The following CCDC8 variants were observed in gnomAD, a reference collection of about 807,000 sequenced individuals.
CCDC8 encodes coiled-coil domain containing 8 subunit of 3M complex.
CCDC8 carries 6 observed loss-of-function variants against 5.2 expected under a neutral mutation model. The observed-to-expected ratio is 1.16, with a 90% CI of 0.63 to 2.28. The LOEUF (loss-of-function observed/expected upper bound fraction) is 2.28. Ranked by LOEUF, CCDC8 falls within the 30% of genes most tolerant of loss-of-function variation. The probability of loss-of-function intolerance (pLI) is 0.00; values close to 1 mark genes in which losing one functional copy is unlikely to be tolerated. For synonymous variants in CCDC8, 310 were observed against 286.5 expected (o/e 1.08, Z -0.83); for missense variants, 724 against 712.2 (o/e 1.02, Z -0.19).
chr19:46,411,780 C>A lies in CCDC8; in HGVS notation c.1031G>T (p.Arg344Met). Residue 344 changes from arginine (R) to methionine (M), a missense_variant, in exon 1 of 1, where the codon AGG (arginine) becomes ATG (methionine). By Grantham distance (91) the Arg-to-Met change is moderately conservative. Transcript: ENST00000307522. ...NQREEAADNQ[R>M]AGAPAEEGAE... ...CCCCTCCTCAGCTGGGGCCCCTGCC[C>A]TCTGATTATCTGCAGCCTCTTCCCT... The A allele has an allele frequency of 1.9e-6, 3 of 1,612,948 alleles. No individual in the cohort carries two copies. The highest frequency in any genetic ancestry group is 1.1e-5 in the South Asian group (1 of 91,046).
Position 46,412,281 on chromosome 19 carries a change from A to C in CCDC8, c.530T>G (p.Val177Gly). 6.2e-7 allele frequency: 1 copy of C among 1,606,670 alleles called. No individual in the cohort carries two copies. Among genetic ancestry groups the C allele is most frequent in the Non-Finnish European group, 8.5e-7 (1 of 1,179,896 alleles). ...CCCCAGGTTGTCCTCAAACATGGGC[A>C]CTGGCAGGTTGACGCGGCGGCGGGC... is the stretch of plus-strand genomic sequence containing the variant. ...PPARRRVNLP[V>G]PMFEDNLGPQ... Residue 177 changes from valine to glycine, a missense_variant, in exon 1 of 1, where the codon GTG (valine) becomes GGG (glycine). Val to Gly is a moderately radical substitution (Grantham distance 109, BLOSUM62 -3). Transcript: ENST00000307522. The surrounding 1 kb of genome is among the most constrained non-coding windows in gnomAD (Gnocchi z 4.7).
chr19:46,413,009 T>A lies in CCDC8; in HGVS notation c.-199A>T. The A allele has an allele frequency of 1.5e-6, 1 of 676,542 alleles. No homozygotes were observed. Among genetic ancestry groups the A allele is most frequent in the Non-Finnish European group, 2.6e-6 (1 of 379,528 alleles). 41.9% of individuals were successfully genotyped at this position (676,542 alleles called of 1,614,324 possible). A position where few individuals can be genotyped will look rare whatever the true frequency, so the allele number is the denominator to read the frequency against. On this transcript the variant is annotated 5_prime_UTR_variant, in exon 1 of 1. Transcript: ENST00000307522. ...CCACGTGGCTTTTCTCGAGAGTCTTTAAGATCTCCAGGGTGATATCTGGGG... is the reference window on the plus strand; with the variant it reads ...CCACGTGGCTTTTCTCGAGAGTCTTAAAGATCTCCAGGGTGATATCTGGGG...
rs557334540 is a variant in CCDC8, at chr19:46,411,513, C to T, written c.1298G>A (p.Arg433Gln). ...QGADNQRAQA[R>Q]AGQRAEAAHN... is the part of the protein sequence containing the mutation. ...TGCAGCCTCTGCCCTCTGGCCAGCC[C>T]GGGCCTGTGCCCTCTGATTATCTGC... The change falls in exon 1 of 1, where the codon CGG becomes CAG. Residue 433 changes from arginine (R) to glutamine (Q), a missense_variant. By Grantham distance (43) the Arg-to-Gln change is conservative. Transcript: ENST00000307522. 2.4e-5 allele frequency: 39 copies of T among 1,608,914 alleles called. No homozygotes were observed. Among genetic ancestry groups the T allele is most frequent in the East Asian group, 1.1e-4 (5 of 44,510 alleles).
Position 46,411,381 on chromosome 19 carries a change from G to T in CCDC8, c.1430C>A (p.Thr477Lys). 6.2e-7 allele frequency: 1 copy of T among 1,614,224 alleles called. No homozygotes were observed. The highest frequency in any genetic ancestry group is 8.5e-7 in the Non-Finnish European group (1 of 1,180,034). The change falls in exon 1 of 1, where the codon ACA becomes AAA. Residue 477 changes from threonine to lysine, a missense_variant. By Grantham distance (78) the Thr-to-Lys change is moderately conservative. Coordinates refer to ENST00000307522, the MANE Select transcript of CCDC8 (RefSeq NM_032040.5). ...GCGTCCAGGGGTCTGGAACCTCACT[G>T]TCTTGACCTGTTTCCGGGCCCTGGC... is the stretch of plus-strand genomic sequence containing the variant. ...PGARARKQVK[T>K]VRFQTPGRFS...
Position 46,412,316 on chromosome 19 carries a change from G to C in CCDC8, c.495C>G (p.Ser165Arg). The change falls in exon 1 of 1, where the codon AGC (serine) becomes AGG (arginine). Residue 165 changes from serine to arginine, a missense_variant. Physicochemically the swap from Ser to Arg is moderately radical, Grantham distance 110. Transcript: ENST00000307522. The surrounding 1 kb of genome is among the most constrained non-coding windows in gnomAD (Gnocchi z 4.7). ...AFLRRQEKQP[S>R]APPARRRVNL... Reference sequence around the variant, plus strand: ...TGACGCGGCGGCGGGCAGGCGGCGCGCTGGGCTGCTTCTCCTGTCGCCGGA... The same window carrying C: ...TGACGCGGCGGCGGGCAGGCGGCGCCCTGGGCTGCTTCTCCTGTCGCCGGA... The C allele has an allele frequency of 1.2e-6, 2 of 1,610,976 alleles. No homozygotes were observed. The highest frequency in any genetic ancestry group is 1.7e-6 in the Non-Finnish European group (2 of 1,179,944).
rs771557962 is a variant in CCDC8 at position 46,412,105 on chromosome 19, C to A, written c.706G>T (p.Val236Leu). Reference protein sequence around the residue: ...LASTAVESAGVSSAPEGTSPG... With the variant: ...LASTAVESAGLSSAPEGTSPG... ...CTGGTGCCCTCTGGCGCCGATGATA[C>A]CCCTGCGCTCTCCACTGCGGTGGAG... Residue 236 changes from valine to leucine, a missense_variant, in exon 1 of 1, where the codon GTA becomes TTA. By Grantham distance (32) the Val-to-Leu change is conservative (BLOSUM62 1). Transcript: ENST00000307522. This position sits in a 1 kb window ranked among gnomAD's most constrained non-coding sequence, Gnocchi z 4.7. The A allele has an allele frequency of 1.8e-5, 29 of 1,599,248 alleles. No homozygotes were observed. Among genetic ancestry groups the A allele is most frequent in the African/African-American group, 2.7e-5 (2 of 74,942 alleles).
rs765660373 is a variant in CCDC8 at position 46,412,124 on chromosome 19, G to A, written c.687C>T (p.Thr229=). The change falls in exon 1 of 1, where the codon ACC becomes ACT. Residue 229 remains threonine, a synonymous_variant. Coordinates refer to ENST00000307522, the MANE Select transcript of CCDC8 (RefSeq NM_032040.5). This position sits in a 1 kb window ranked among gnomAD's most constrained non-coding sequence, Gnocchi z 4.7. The part of the protein sequence containing the change: ...PGVGEARLAS[T]AVESAGVSSA... The stretch of plus-strand genomic sequence containing the variant: ...ATGATACCCCTGCGCTCTCCACTGC[G>A]GTGGAGGCCAGCCGGGCCTCGCCCA... 16 of 1,598,718 alleles carry A rather than the reference G, an allele frequency of 1.0e-5. No individual in the cohort carries two copies. Among genetic ancestry groups the A allele is most frequent in the Non-Finnish European group, 1.4e-5 (16 of 1,179,828 alleles).
chr19:46,411,089 T>C lies in CCDC8; in HGVS notation c.*105A>G, dbSNP rs536917966. 1.3e-4 allele frequency: 179 copies of C among 1,339,506 alleles called. 1 individual carries two copies. In the South Asian group the frequency reaches 2.1e-3, roughly 15 times the overall value. The allele number at this position is 1,339,506 out of a possible 1,614,324, so 83.0% of individuals were successfully genotyped here. A position where few individuals can be genotyped will look rare whatever the true frequency, so the allele number is the denominator to read the frequency against. On this transcript the variant is annotated 3_prime_UTR_variant, in exon 1 of 1. Coordinates refer to ENST00000307522, the MANE Select transcript of CCDC8 (RefSeq NM_032040.5). ...CAAGAGAATAAAGAGGGTTGTTAGG[T>C]GGAGACGTGGCCAGCACTCCACCTC...
In CCDC8 at chr19:46,411,181, T is replaced by C. The variant is rs750749389; in HGVS notation, c.*13A>G. The C allele has an allele frequency of 2.5e-6, 4 of 1,613,878 alleles. No homozygotes were observed. The South Asian group carries it at 4.4e-5, about 18-fold the overall frequency. ...TTGGAGGGAGGGCCCGTGGGCTGTC[T>C]CTAGCCCTCACCTCACAGCTGGTCT... On this transcript the variant is annotated 3_prime_UTR_variant, in exon 1 of 1. Transcript: ENST00000307522.
Position 46,412,097 on chromosome 19 carries a change from C to G in CCDC8, c.714G>C (p.Ser238=), listed in dbSNP as rs1452147283. The part of the protein sequence containing the change: ...STAVESAGVS[S]APEGTSPGDR... ...CCCCCGGGCTGGTGCCCTCTGGCGC[C>G]GATGATACCCCTGCGCTCTCCACTG... The change falls in exon 1 of 1, where the codon TCG becomes TCC. Residue 238 remains serine (S), a synonymous_variant. Transcript: ENST00000307522. The surrounding 1 kb of genome is among the most constrained non-coding windows in gnomAD (Gnocchi z 4.7). 1.3e-6 allele frequency: 2 copies of G among 1,599,514 alleles called. No individual in the cohort carries two copies. Among genetic ancestry groups the G allele is most frequent in the Non-Finnish European group, 1.7e-6 (2 of 1,179,954 alleles).
chr19:46,411,712 G>A lies in CCDC8; in HGVS notation c.1099C>T (p.Gln367Ter). Reference protein sequence around the residue: ...DNQREEAADNQRAEAPADQRS... With the variant: ...DNQREEAADN ...TGGTCAGCTGGGGCCTCTGCCCTCT[G>A]ATTATCTGCAGCCTCTTCCCTCTGG... The change falls in exon 1 of 1, where the codon CAG (glutamine) becomes TAG (stop). Residue 367 changes from glutamine to a stop codon, truncating the protein, a stop_gained. Coordinates refer to ENST00000307522, the MANE Select transcript of CCDC8 (RefSeq NM_032040.5). LOFTEE classifies it low-confidence loss of function (END_TRUNC). The A allele has an allele frequency of 5.0e-6, 8 of 1,613,136 alleles. No homozygotes were observed. Among genetic ancestry groups the A allele is most frequent in the Non-Finnish European group, 6.8e-6 (8 of 1,179,654 alleles).
In CCDC8 at chr19:46,412,612, G is replaced by T; in HGVS notation, c.199C>A (p.Pro67Thr). The T allele has an allele frequency of 6.2e-7, 1 of 1,601,550 alleles. No homozygotes were observed. ...TCCTTGGGCTTTTTGGGGGGCTGGGGCGGGTGCGGGGTGCTCTTCTCCATG... is the reference window on the plus strand; with the variant it reads ...TCCTTGGGCTTTTTGGGGGGCTGGGTCGGGTGCGGGGTGCTCTTCTCCATG... The part of the protein sequence containing the change: ...RIMEKSTPHP[P>T]QPPKKPKEPR... Residue 67 changes from proline to threonine, a missense_variant, in exon 1 of 1, where the codon CCC (proline) becomes ACC (threonine). Physicochemically the swap from Pro to Thr is conservative, Grantham distance 38 (BLOSUM62 -1). Coordinates refer to ENST00000307522, the MANE Select transcript of CCDC8 (RefSeq NM_032040.5). This position sits in a 1 kb window ranked among gnomAD's most constrained non-coding sequence, Gnocchi z 4.7.
rs1458313997 is a variant in CCDC8, at chr19:46,412,615, G to A, written c.196C>T (p.Pro66Ser). ...TTGGGCTTTTTGGGGGGCTGGGGCG[G>A]GTGCGGGGTGCTCTTCTCCATGATG... Reference protein sequence around the residue: ...ARIMEKSTPHPPQPPKKPKEP... With the variant: ...ARIMEKSTPHSPQPPKKPKEP... Residue 66 changes from proline (P) to serine (S), a missense_variant, in exon 1 of 1, where the codon CCG (proline) becomes TCG (serine). Coordinates refer to ENST00000307522, the MANE Select transcript of CCDC8 (RefSeq NM_032040.5). The surrounding 1 kb of genome is among the most constrained non-coding windows in gnomAD (Gnocchi z 4.7). 4.4e-6 allele frequency: 7 copies of A among 1,601,272 alleles called. No individual in the cohort carries two copies. Among genetic ancestry groups the A allele is most frequent in the Non-Finnish European group, 6.0e-6 (7 of 1,174,954 alleles).
rs1452147283 is a variant in CCDC8, at chr19:46,412,097, C to T, written c.714G>A (p.Ser238=). The change falls in exon 1 of 1, where the codon TCG becomes TCA. Residue 238 remains serine, a synonymous_variant. Coordinates refer to ENST00000307522, the MANE Select transcript of CCDC8 (RefSeq NM_032040.5). The surrounding 1 kb of genome is among the most constrained non-coding windows in gnomAD (Gnocchi z 4.7). ...STAVESAGVS[S]APEGTSPGDR... The stretch of plus-strand genomic sequence containing the variant: ...CCCCCGGGCTGGTGCCCTCTGGCGC[C>T]GATGATACCCCTGCGCTCTCCACTG... 1.9e-6 allele frequency: 3 copies of T among 1,599,514 alleles called. No homozygotes were observed. The South Asian group carries it at 3.3e-5, about 18-fold the overall frequency.
At position 46,412,523 on chromosome 19, in the gene CCDC8, C is replaced by G; in HGVS notation, c.288G>C (p.Thr96=). 1 of 1,608,104 alleles carries G rather than the reference C, an allele frequency of 6.2e-7. No individual in the cohort carries two copies. Among genetic ancestry groups the G allele is most frequent in the Non-Finnish European group, 8.5e-7 (1 of 1,179,896 alleles). ...TGTCGCTGGCGTTGCTGCTGTCGTA[C>G]GTGCCCACGACCAGCCGGGGCGGAG... ...VTPPPRLVVG[T]YDSSNASDSE... The change falls in exon 1 of 1, where the codon ACG becomes ACC. Residue 96 remains threonine, a synonymous_variant. Transcript: ENST00000307522. This position sits in a 1 kb window ranked among gnomAD's most constrained non-coding sequence, Gnocchi z 4.7.
chr19:46,412,810 TC>T lies in CCDC8; in HGVS notation c.-1del. On this transcript the variant is annotated 5_prime_UTR_variant, in exon 1 of 1. Coordinates refer to ENST00000307522, the MANE Select transcript of CCDC8 (RefSeq NM_032040.5). The surrounding 1 kb of genome is among the most constrained non-coding windows in gnomAD (Gnocchi z 4.7). ...TCGACGTCCTCCCCGATCTGCAGCA[TC>T]CCCACCGTGGAGTCCTCCTCCTTGC... is the stretch of plus-strand genomic sequence containing the variant. 6.2e-7 allele frequency: 1 copy of T among 1,614,016 alleles called. No individual in the cohort carries two copies. The highest frequency in any genetic ancestry group is 8.5e-7 in the Non-Finnish European group (1 of 1,180,024).
Position 46,412,782 on chromosome 19 carries a change from T to C in CCDC8, c.29A>G (p.Tyr10Cys). 2 of 1,613,954 alleles carry C rather than the reference T, an allele frequency of 1.2e-6. No individual in the cohort carries two copies. Among genetic ancestry groups the C allele is most frequent in the Non-Finnish European group, 1.7e-6 (2 of 1,179,996 alleles). ...CCTGACCTCCCGGGGGATGAGCAAA[T>C]AGTCGACGTCCTCCCCGATCTGCAG... MLQIGEDVD[Y>C]LLIPREVRLA... Residue 10 changes from tyrosine to cysteine, a missense_variant, in exon 1 of 1, where the codon TAT becomes TGT. Physicochemically the swap from Tyr to Cys is radical, Grantham distance 194. Coordinates refer to ENST00000307522, the MANE Select transcript of CCDC8 (RefSeq NM_032040.5). The surrounding 1 kb of genome is among the most constrained non-coding windows in gnomAD (Gnocchi z 4.7).
In CCDC8 at chr19:46,411,892, C is replaced by T. The variant is rs1973234457; in HGVS notation, c.919G>A (p.Ala307Thr). 1.2e-6 allele frequency: 2 copies of T among 1,613,748 alleles called. No homozygotes were observed. Among genetic ancestry groups the T allele is most frequent in the Middle Eastern group, 1.6e-4 (1 of 6,062 alleles). ...GCCCCTTCCCGCTGGTCAGCTATGG[C>T]CTCTTCCCTTTGACTATCTGCAGCC... ...GEAADSQREE[A>T]IADQREGAAG... The change falls in exon 1 of 1, where the codon GCC (alanine) becomes ACC (threonine). Residue 307 changes from alanine to threonine, a missense_variant. Ala to Thr is a moderately conservative substitution (Grantham distance 58, BLOSUM62 0). Transcript: ENST00000307522.
chr19:46,412,463 CTT>C lies in CCDC8; in HGVS notation c.346_347del (p.Lys116GlufsTer31), dbSNP rs1973246029. ...TGCCCCGCCGCGGGCCCTGGCGGCT[CTT>C]GTCTCTGGAGGTCTCGAAGTCGCTG... is the stretch of plus-strand genomic sequence containing the variant. The part of the protein sequence containing the change: ...EFSDFETSRD[K>X]SRQGPRRGKK... On this transcript the variant is annotated frameshift_variant, in exon 1 of 1. Coordinates refer to ENST00000307522, the MANE Select transcript of CCDC8 (RefSeq NM_032040.5). LOFTEE classifies it low-confidence loss of function (END_TRUNC). The surrounding 1 kb of genome is among the most constrained non-coding windows in gnomAD (Gnocchi z 4.7). The C allele has an allele frequency of 6.2e-7, 1 of 1,610,690 alleles. No homozygotes were observed. The highest frequency in any genetic ancestry group is 1.7e-5 in the Admixed American group (1 of 59,992).
Sources: gnomAD v4.1 joint callset for allele counts on GRCh38, gnomAD v4.1.1 for gene constraint, Gnocchi (gnomAD v3.1) non-coding constraint, MANE v1.5 for transcripts, NCBI Gene and HGNC (gene_info 2026-07-23, HGNC 2026-07-21) for gene names.